Variants in IVD observed in about 807,000 individuals in gnomAD.
The protein encoded by IVD is isovaleryl-CoA dehydrogenase, also known as isovaleryl-CoA dehydrogenase, mitochondrial.
Under a neutral mutation model 51.3 loss-of-function variants are expected in IVD, and 31 were observed. The observed-to-expected ratio is 0.60, with a 90% CI of 0.45 to 0.81. The LOEUF is 0.81. IVD is among the 40% of genes least tolerant of loss of function. The pLI is 0.00. For missense variants in IVD, 475 were observed against 552.0 expected (o/e 0.86, Z 1.40); for synonymous variants, 205 against 219.4 (o/e 0.93, Z 0.58).
At chr15:40,417,748 G>A (rs1051614635) in intron 11 of IVD, among the ~76,000 whole-genome samples, 1 of 152,242 alleles carries the variant, frequency 6.6e-6, no homozygotes, top group East Asian at 1.9e-4. Context: ...ATTTTGCTCA[G>A]TGGCCCCAGA....
At chr15:40,413,196 G>T in intron 7 of IVD, 109 bp downstream of exon 7, 1 of 863,374 alleles carries the variant, frequency 1.2e-6, no homozygotes. Flanking sequence ...GGCATTGTTA[G>T]CGCTTCAGTG....
downstream of IVD, among the ~76,000 whole-genome samples, chr15:40,422,219 G>C (rs1892355761): frequency 7.8e-6 from 1 of 128,528 alleles, no homozygotes; most frequent in African/African-American, 2.5e-5. Flanking sequence ...TTTTGTTTTA[G>C]CCAATAAGGA....
At chr15:40,413,902 C>G (rs113638727) in intron 7 of IVD, among the ~76,000 whole-genome samples, 13,069 of 151,968 alleles carry the variant, frequency 0.086, 788 homozygotes, top group Non-Finnish European at 0.12. Flanking sequence ...TCTTGTTGCC[C>G]AGGGCTGGAG....
intron 2 of IVD, 78 bp from the exon 3 acceptor site, chr15:40,407,861 G>T: frequency 6.6e-7 from 1 of 1,504,628 alleles, no homozygotes; most frequent in Non-Finnish European, 9.2e-7. Flanking sequence ...GAAGTGTTTG[G>T]GTCTCATTGT....
chr15:40,414,060 T>C (rs1039620587), intron 7 of IVD, among the ~76,000 whole-genome samples: 1 of 152,082 alleles, frequency 6.6e-6, no homozygotes, highest in Admixed American at 6.5e-5. Flanking sequence ...GGTTTCACCA[T>C]GTTGGCCAGG....
chr15:40,421,220 T>C lies in IVD; in HGVS notation c.*2957T>C. 1.0e-6 allele frequency: 1 copy of C among 985,486 alleles called. No homozygotes were observed. Among genetic ancestry groups the C allele is most frequent in the Non-Finnish European group, 1.2e-6 (1 of 829,944 alleles). 61.0% of individuals were successfully genotyped at this position (985,486 alleles called of 1,614,324 possible). On this transcript the variant is annotated 3_prime_UTR_variant, in exon 12 of 12. Coordinates refer to ENST00000487418, the MANE Select transcript of IVD (RefSeq NM_002225.5). ...CGCTTCATCCAGTCTGTCTAAGCCC[T>C]GTCGACTTGGGGAGGTGATTTCTTT...
At chr15:40,406,487 C>T (rs777206743) in intron 1 of IVD, 61 of 533,174 alleles carry the variant, frequency 1.1e-4, no homozygotes, top group Non-Finnish European at 1.7e-4. Context: ...AAAAGTTGAA[C>T]AAGTACTTGA....
At chr15:40,430,221 G>A (rs563822549) in intron 7 of IVD, among the ~76,000 whole-genome samples, 1 of 152,362 alleles carries the variant, frequency 6.6e-6, no homozygotes, top group South Asian at 2.1e-4. Context: ...AGCTGTTACT[G>A]AGAACCTATC....
At chr15:40,429,329 G>C (rs1892842452), downstream of IVD, among the ~76,000 whole-genome samples, 1 of 152,212 alleles carries the variant, frequency 6.6e-6, no homozygotes, top group African/African-American at 2.4e-5. Context: ...ACTGGCATTT[G>C]CTGAGGGACT....
rs1165169561 is a variant in IVD, at chr15:40,418,446, G to A, written c.*183G>A. On this transcript the variant is annotated 3_prime_UTR_variant, in exon 12 of 12. Coordinates refer to ENST00000487418, the MANE Select transcript of IVD (RefSeq NM_002225.5). ...CCCAAGCATCATGGGCCTCGCAGCC[G>A]GGCCTGTGCCACGGCTAGTGTTGTG... is the stretch of plus-strand genomic sequence containing the variant. 13 of 1,494,158 alleles carry A rather than the reference G, an allele frequency of 8.7e-6. No individual in the cohort carries two copies. The highest frequency in any genetic ancestry group is 3.7e-5 in the South Asian group (3 of 80,456). 92.6% of individuals were successfully genotyped at this position (1,494,158 alleles called of 1,614,324 possible).
At chr15:40,406,572 T>C (rs1890441895) in intron 1 of IVD, among the ~76,000 whole-genome samples, 1 of 151,916 alleles carries the variant, frequency 6.6e-6, no homozygotes, top group South Asian at 2.1e-4. Flanking sequence ...GGTGGGAGGA[T>C]TGTTTGAGCT....
chr15:40,409,253 T>C (rs963124485), intron 3 of IVD, among the ~76,000 whole-genome samples: 3 of 151,876 alleles, frequency 2.0e-5, no homozygotes, highest in South Asian at 2.1e-4. Flanking sequence ...CAGATGAAAA[T>C]GGCCAGGTGT....
chr15:40,434,552 C>CT (rs1389227278), intron 8 of IVD, among the ~76,000 whole-genome samples: 1 of 152,102 alleles, frequency 6.6e-6, no homozygotes, highest in African/African-American at 2.4e-5. Flanking sequence ...TAAAGACTTA[C>CT]GGGCAAAGCA....
intron 1 of IVD, among the ~76,000 whole-genome samples, chr15:40,407,180 A>C (rs1890536593): frequency 6.6e-6 from 1 of 152,212 alleles, no homozygotes; most frequent in African/African-American, 2.4e-5. Context: ...GGCGTTTCTA[A>C]TCTCTTTGGG....
rs768549812 is a variant in IVD, at chr15:40,414,870, C to T, written c.785-19C>T. 77 of 1,613,736 alleles carry T rather than the reference C, an allele frequency of 4.8e-5. No individual in the cohort carries two copies. Among genetic ancestry groups the T allele is most frequent in the Non-Finnish European group, 6.4e-5 (76 of 1,179,884 alleles). Reference sequence around the variant, plus strand: ...GCTGTGGACAGCTCTCTCCCTCTGACCAGCACTTATCCTGGCAGCTGCCAA... The same window carrying T: ...GCTGTGGACAGCTCTCTCCCTCTGATCAGCACTTATCCTGGCAGCTGCCAA... On this transcript the variant is annotated intron_variant, in intron 7 of 11. Transcript: ENST00000487418.
chr15:40,419,265 C>T lies in IVD; in HGVS notation c.*1002C>T, dbSNP rs1263045468. ...GTGGTGTGTGCCTGTAATCCCAGCACTTTGGGAGGCCAAGGCAGGTGGATC... is the reference window on the plus strand; with the variant it reads ...GTGGTGTGTGCCTGTAATCCCAGCATTTTGGGAGGCCAAGGCAGGTGGATC... On this transcript the variant is annotated 3_prime_UTR_variant, in exon 12 of 12. Coordinates refer to ENST00000487418, the MANE Select transcript of IVD (RefSeq NM_002225.5). 1 of 1,278,948 alleles carries T rather than the reference C, an allele frequency of 7.8e-7. No homozygotes were observed. The highest frequency in any genetic ancestry group is 1.2e-5 in the South Asian group (1 of 80,770). 79.2% of individuals were successfully genotyped at this position (1,278,948 alleles called of 1,614,324 possible).
chr15:40,423,997 G>T (rs1316639438), downstream of IVD: 2 of 345,674 alleles, frequency 5.8e-6, no homozygotes, highest in Non-Finnish European at 1.1e-5. Context: ...GCGCCACTTG[G>T]TTACTCTTGC....
At chr15:40,415,250 C>A (rs777019120) in intron 8 of IVD, 151 bp from the exon 9 acceptor site, 49 of 798,610 alleles carry the variant, frequency 6.1e-5, no homozygotes, top group Non-Finnish European at 1.0e-4. Context: ...CGCCCCTGCA[C>A]CTCTGGCCAG....
chr15:40,409,876 G>A (rs976206275), intron 3 of IVD, among the ~76,000 whole-genome samples: 40 of 133,656 alleles, frequency 3.0e-4, no homozygotes, highest in Admixed American at 1.3e-3. Context: ...TCACTCTGTC[G>A]CCCAGGCTGG....
Sources: gnomAD v4.1 joint callset for allele counts (sites outside exome capture counted in the v4.1 genomes callset) on GRCh38, gnomAD v4.1.1 for gene constraint, MANE v1.5 for transcripts, NCBI Gene and HGNC (gene_info 2026-07-23, HGNC 2026-07-21) for gene names.